Variants in MAP2K1 observed in about 807,000 individuals in gnomAD.
MAP2K1 encodes the protein mitogen-activated protein kinase kinase 1, also known as dual specificity mitogen-activated protein kinase kinase 1.
In MAP2K1, 16 loss-of-function variants were observed where a neutral mutation model predicts 46.3. The ratio of observed to expected loss-of-function variants is 0.35; its 90% confidence interval spans 0.23 to 0.52. MAP2K1 has a LOEUF of 0.52. Among genes scored for constraint, MAP2K1 ranks in the 20% least tolerant of loss-of-function variants. MAP2K1 has a pLI of 0.94. For missense variants in MAP2K1, 263 were observed against 497.1 expected, an observed-to-expected ratio of 0.53 and a Z score of 4.48; for synonymous variants, 183 against 185.6, an observed-to-expected ratio of 0.99 and a Z score of 0.11.
intron 1 of MAP2K1, among the ~76,000 whole-genome samples, chr15:66,402,670 T>C (rs2093385097): frequency 6.6e-6 from 1 of 152,304 alleles, no homozygotes; most frequent in East Asian, 1.9e-4. Flanking sequence ...TTGAACATTT[T>C]TAAGTTTGTA....
chr15:66,393,263 T>A (rs1307223164), intron 1 of MAP2K1, among the ~76,000 whole-genome samples: 1 of 151,458 alleles, frequency 6.6e-6, no homozygotes, highest in African/African-American at 2.4e-5. Context: ...CTGCAACCCC[T>A]CCCCACAAGG....
At chr15:66,422,127 G>T (rs1043077026) in intron 1 of MAP2K1, among the ~76,000 whole-genome samples, 9 of 152,140 alleles carry the variant, frequency 5.9e-5, no homozygotes, top group East Asian at 1.9e-4. Context: ...ATTATTTATT[G>T]CATGAACAAC....
chr15:66,490,614 A>G lies in MAP2K1; in HGVS notation c.1181A>G (p.Ter394=). 1 of 1,613,706 alleles carries G rather than the reference A, an allele frequency of 6.2e-7. No individual in the cohort carries two copies. Among genetic ancestry groups the G allele is most frequent in the Non-Finnish European group, 8.5e-7 (1 of 1,179,662 alleles). The change falls in exon 11 of 11, where the codon TAA becomes TGA. Residue 394 remains the stop codon, a stop_retained_variant. Coordinates refer to ENST00000307102, the MANE Select transcript of MAP2K1 (RefSeq NM_002755.4). ...ACACCAACCCATGCTGCTGGCGTCTAAGTGTTTGGGAAGCAACAAAGAGCG... is the reference window on the plus strand; with the variant it reads ...ACACCAACCCATGCTGCTGGCGTCTGAGTGTTTGGGAAGCAACAAAGAGCG... The part of the protein sequence containing the change: ...PSTPTHAAGV[*]
chr15:66,409,753 C>T (rs984524466), intron 1 of MAP2K1, among the ~76,000 whole-genome samples: 1 of 152,198 alleles, frequency 6.6e-6, no homozygotes, highest in Admixed American at 6.5e-5. Context: ...GTGATTCCCA[C>T]CCACCAGTCT....
intron 3 of MAP2K1, among the ~76,000 whole-genome samples, chr15:66,439,516 C>T (rs1190269235): frequency 2.0e-5 from 3 of 152,144 alleles, no homozygotes; most frequent in Admixed American, 1.3e-4. Flanking sequence ...CCTGTGATTC[C>T]AGCACTTTGG....
intron 5 of MAP2K1, among the ~76,000 whole-genome samples, chr15:66,448,809 C>G (rs1891948918): frequency 6.6e-6 from 1 of 152,136 alleles, no homozygotes; most frequent in Admixed American, 6.5e-5. Flanking sequence ...CAAGACCAGC[C>G]TGGCCAACAT....
intron 1 of MAP2K1, among the ~76,000 whole-genome samples, chr15:66,416,436 C>A (rs1442681299): frequency 6.6e-6 from 1 of 151,978 alleles, no homozygotes; most frequent in African/African-American, 2.4e-5. Context: ...CATAGCCTAG[C>A]CTCTAGTATA....
At chr15:66,485,855 C>T (rs1205988966) in intron 7 of MAP2K1, among the ~76,000 whole-genome samples, 1 of 152,160 alleles carries the variant, frequency 6.6e-6, no homozygotes, top group Non-Finnish European at 1.5e-5. Flanking sequence ...GCTGAGATTA[C>T]AGGCATGATC....
intron 1 of MAP2K1, among the ~76,000 whole-genome samples, chr15:66,411,149 A>T (rs1203602464): frequency 6.6e-6 from 1 of 150,524 alleles, no homozygotes; most frequent in African/African-American, 2.5e-5. Context: ...CTGGTTGGAG[A>T]CCCCAGATGG....
chr15:66,444,751 T>C (rs1303603944), intron 5 of MAP2K1, 44 bp downstream of exon 5: 4 of 1,476,316 alleles, frequency 2.7e-6, no homozygotes, highest in Admixed American at 1.7e-5. Context: ...ATTTTAGATA[T>C]AATCCAAAGG....
intron 1 of MAP2K1, among the ~76,000 whole-genome samples, chr15:66,411,311 C>T (rs2093410786): frequency 6.6e-6 from 1 of 152,066 alleles, no homozygotes; most frequent in Non-Finnish European, 1.5e-5. Context: ...CATGAATATA[C>T]TAGGGTCTCA....
intron 1 of MAP2K1, among the ~76,000 whole-genome samples, chr15:66,426,044 A>G (rs561256074): frequency 9.7e-4 from 148 of 152,210 alleles, no homozygotes; most frequent in Non-Finnish European, 1.6e-3. Context: ...ATTAGAAGAA[A>G]ATGCATCACA....
chr15:66,452,536 G>A (rs1036454573), intron 5 of MAP2K1, among the ~76,000 whole-genome samples: 1 of 152,124 alleles, frequency 6.6e-6, no homozygotes, highest in South Asian at 2.1e-4. Context: ...TGAAAGGAGA[G>A]GAGGAGTGAA....
intron 3 of MAP2K1, among the ~76,000 whole-genome samples, chr15:66,442,197 T>A (rs1017159216): frequency 6.6e-6 from 1 of 152,174 alleles, no homozygotes; most frequent in African/African-American, 2.4e-5. Flanking sequence ...CTGCTGTGAT[T>A]CTCATCTTTA....
intron 6 of MAP2K1, among the ~76,000 whole-genome samples, chr15:66,483,273 C>CCAGCCAGTG (rs1892956076): frequency 6.6e-6 from 1 of 152,192 alleles, no homozygotes; most frequent in Non-Finnish European, 1.5e-5. Flanking sequence ...CTGTCAACAT[C>CCAGCCAGTG]ACTCACCTGG....
Position 66,452,761 on chromosome 15 carries a change from A to G in MAP2K1, c.568+8054A>G, listed in dbSNP as rs553500391. On this transcript the variant is annotated intron_variant, in intron 5 of 10. Coordinates refer to ENST00000307102, the MANE Select transcript of MAP2K1 (RefSeq NM_002755.4). ...CTGGCAAAGTGTTTTGCTTATAGAA[A>G]GCTCTAATATGCTAATTGCCTTCCC... Among the ~76,000 whole-genome samples the G allele has an allele frequency of 5.3e-5, 8 of 152,328 alleles. No individual in the cohort carries two copies. The South Asian group carries it at 1.4e-3, about 28-fold the overall frequency.
At chr15:66,404,984 G>A (rs1390176070) in intron 1 of MAP2K1, among the ~76,000 whole-genome samples, 3 of 152,202 alleles carry the variant, frequency 2.0e-5, no homozygotes, top group Non-Finnish European at 4.4e-5. Flanking sequence ...GGATAAGTCA[G>A]AAGACATGGA....
chr15:66,452,775 A>G (rs1011840886), intron 5 of MAP2K1, among the ~76,000 whole-genome samples: 1 of 152,224 alleles, frequency 6.6e-6, no homozygotes, highest in Non-Finnish European at 1.5e-5. Flanking sequence ...CTAATATGCT[A>G]ATTGCCTTCC....
chr15:66,445,524 G>A (rs1254298414), intron 5 of MAP2K1, among the ~76,000 whole-genome samples: 2 of 152,160 alleles, frequency 1.3e-5, no homozygotes, highest in Non-Finnish European at 2.9e-5. Context: ...AATATAACAT[G>A]CATCCACACA....
Sources: allele counts gnomAD v4.1 joint callset (sites outside exome capture counted in the v4.1 genomes callset), GRCh38; gene constraint gnomAD v4.1.1; transcripts MANE v1.5; gene names NCBI Gene and HGNC (gene_info 2026-07-23, HGNC 2026-07-21).